GLIS3: variants seen among roughly 807,000 people sequenced by gnomAD.
GLIS3 encodes GLIS family zinc finger 3.
A neutral mutation model predicts 78.6 loss-of-function variants in GLIS3; 53 were observed. The observed-to-expected ratio is 0.67, with a 90% CI of 0.54 to 0.85. GLIS3 has a LOEUF of 0.85. GLIS3 is among the 40% of genes least tolerant of loss of function. The pLI, the probability that GLIS3 is intolerant of heterozygous loss-of-function variation, is 0.00. For missense variants in GLIS3, 1,703 were observed against 1,231.1 expected, an observed-to-expected ratio of 1.38 and a Z score of -5.74; for synonymous variants, 684 against 509.9, an observed-to-expected ratio of 1.34 and a Z score of -4.60.
At chr9:4,431,752 G>A in the GLIS3 span, among the ~76,000 whole-genome samples, 63 of 150,902 alleles carry the variant, frequency 4.2e-4, no homozygotes, top group African/African-American at 1.3e-3. Context: ...GCTGAGGCAG[G>A]AGAATCCATT....
chr9:3,829,390 T>C lies in GLIS3; in HGVS notation c.2576A>G (p.Asp859Gly), dbSNP rs1817912660. ...SSCSVVPSFE[D>G]CLVPTSMGQA... ...GCCCATGGATGTAGGGACTAGGCAG[T>C]CCTCAAACGAAGGCACCACACTGCA... is the stretch of plus-strand genomic sequence containing the variant. The change falls in exon 10 of 11, where the codon GAC becomes GGC. Residue 859 changes from aspartate to glycine, a missense_variant. Transcript: ENST00000381971. 3 of 1,613,998 alleles carry C rather than the reference T, an allele frequency of 1.9e-6. No homozygotes were observed. The highest frequency in any genetic ancestry group is 2.5e-6 in the Non-Finnish European group (3 of 1,179,970).
At chr9:4,379,315 A>G in the GLIS3 span, among the ~76,000 whole-genome samples, 1 of 152,316 alleles carries the variant, frequency 6.6e-6, no homozygotes, top group African/African-American at 2.4e-5. Flanking sequence ...ACTGAGGTTA[A>G]TAGGGGTTTG....
chr9:4,307,539 G>A (rs35859857), intron 4 of GLIS3, among the ~76,000 whole-genome samples: 20,422 of 151,832 alleles, frequency 0.13, 1,600 homozygotes, highest in Non-Finnish European at 0.17. Context: ...GCCCCGCCCT[G>A]CATCCCAACA....
intron 2 of GLIS3, among the ~76,000 whole-genome samples, chr9:4,253,874 C>T (rs1278772112): frequency 6.6e-6 from 1 of 152,166 alleles, no homozygotes; most frequent in Non-Finnish European, 1.5e-5. Flanking sequence ...TTCCCTGACC[C>T]CTTGCACTTC....
At chr9:3,979,904 G>T (rs376950834) in intron 4 of GLIS3, among the ~76,000 whole-genome samples, 1 of 152,204 alleles carries the variant, frequency 6.6e-6, no homozygotes, top group Non-Finnish European at 1.5e-5. Context: ...ATATTCCAGC[G>T]GGGAGGAGCA....
chr9:4,179,025 G>A (rs1470614894), intron 2 of GLIS3, among the ~76,000 whole-genome samples: 3 of 152,106 alleles, frequency 2.0e-5, no homozygotes, highest in African/African-American at 7.2e-5. Context: ...ATATAACTTG[G>A]CAGACAGCCA....
upstream of GLIS3, among the ~76,000 whole-genome samples, chr9:4,351,172 G>C (rs779012173): frequency 2.0e-5 from 3 of 152,104 alleles, no homozygotes; most frequent in Non-Finnish European, 2.9e-5. Flanking sequence ...GAACACAGGA[G>C]GTGGAGGTTG....
At chr9:3,858,991 C>A (rs1007049498) in intron 8 of GLIS3, among the ~76,000 whole-genome samples, 1 of 152,078 alleles carries the variant, frequency 6.6e-6, no homozygotes, top group African/African-American at 2.4e-5. Flanking sequence ...TACTTGTTAA[C>A]CAGCTCATAG....
chr9:4,048,638 C>G (rs1246194444), intron 4 of GLIS3, among the ~76,000 whole-genome samples: 1 of 152,144 alleles, frequency 6.6e-6, no homozygotes, highest in Admixed American at 6.5e-5. Context: ...ACAAAAGCAT[C>G]TTTTAAGACC....
chr9:4,363,452 C>T, the GLIS3 span, among the ~76,000 whole-genome samples: 1 of 151,964 alleles, frequency 6.6e-6, no homozygotes, highest in African/African-American at 2.4e-5. Context: ...TGTTTTAACA[C>T]CAAAAATCTG....
the GLIS3 span, among the ~76,000 whole-genome samples, chr9:4,435,756 T>C: frequency 9.2e-5 from 14 of 152,250 alleles, no homozygotes; most frequent in East Asian, 5.8e-4. Context: ...GAGACCATCC[T>C]GGCTAATACA....
chr9:4,118,452 G>C lies in GLIS3; in HGVS notation c.1026C>G (p.Ser342=). The C allele has an allele frequency of 1.2e-6, 2 of 1,613,414 alleles. No individual in the cohort carries two copies. Among genetic ancestry groups the C allele is most frequent in the Non-Finnish European group, 1.7e-6 (2 of 1,180,022 alleles). Residue 342 remains serine (S), a synonymous_variant, in exon 4 of 11, where the codon TCC becomes TCG. Coordinates refer to ENST00000381971, the MANE Select transcript of GLIS3 (RefSeq NM_001042413.2). The surrounding 1 kb of genome is among the most constrained non-coding windows in gnomAD (Gnocchi z 4.7). ...NGSRASPANL[S]PQPEVYGHFL... ...AATGCCCGTAGACCTCCGGCTGCGG[G>C]GACAGGTTGGCCGGCGAAGCCCTCG...
Position 4,186,235 on chromosome 9 carries a change from G to C in GLIS3, c.389-60294C>G, listed in dbSNP as rs956691996. Among the ~76,000 whole-genome samples the C allele has an allele frequency of 2.7e-5, 4 of 147,470 alleles. No individual in the cohort carries two copies. In the Admixed American group the frequency reaches 2.8e-4, roughly 10 times the overall value. ...CATTGTTCAATTCTCACCTATGAGT[G>C]AGAACATGCAGTGTTTGGCCTTTTG... On this transcript the variant is annotated intron_variant, in intron 2 of 10. Coordinates refer to ENST00000381971, the MANE Select transcript of GLIS3 (RefSeq NM_001042413.2).
intron 4 of GLIS3, among the ~76,000 whole-genome samples, chr9:3,989,169 G>A (rs529136992): frequency 1.1e-4 from 17 of 152,222 alleles, no homozygotes; most frequent in African/African-American, 4.1e-4. Flanking sequence ...CTAATCATCA[G>A]GGGAAGGCAA....
At chr9:4,066,144 A>G (rs978890918) in intron 4 of GLIS3, among the ~76,000 whole-genome samples, 4 of 152,190 alleles carry the variant, frequency 2.6e-5, no homozygotes, top group African/African-American at 9.7e-5. Flanking sequence ...TTTCAATTTC[A>G]AGACATTTCT....
intron 4 of GLIS3, among the ~76,000 whole-genome samples, chr9:3,993,027 T>G (rs991286644): frequency 2.6e-5 from 4 of 152,198 alleles, no homozygotes; most frequent in Non-Finnish European, 1.5e-5. Flanking sequence ...ATCATATCTT[T>G]CCTGGCTTTA....
intron 4 of GLIS3, among the ~76,000 whole-genome samples, chr9:4,008,722 A>C (rs769669529): frequency 4.6e-5 from 7 of 152,144 alleles, no homozygotes; most frequent in Non-Finnish European, 1.0e-4. Context: ...ACAGGCTGGG[A>C]ATCTGGAGGC....
intron 4 of GLIS3, among the ~76,000 whole-genome samples, chr9:3,964,374 T>C (rs542634890): frequency 6.6e-6 from 1 of 152,340 alleles, no homozygotes; most frequent in South Asian, 2.1e-4. Context: ...CTTGCATTAA[T>C]TACATTCTCT....
At chr9:4,026,315 T>G (rs969577765) in intron 4 of GLIS3, among the ~76,000 whole-genome samples, 10 of 152,238 alleles carry the variant, frequency 6.6e-5, no homozygotes, top group South Asian at 6.2e-4. Flanking sequence ...GTCCATTAAT[T>G]TTTTCCTAGC....
Sources: gnomAD v4.1 joint callset for allele counts (sites outside exome capture counted in the v4.1 genomes callset) on GRCh38, gnomAD v4.1.1 for gene constraint, Gnocchi (gnomAD v3.1) non-coding constraint, MANE v1.5 for transcripts, NCBI Gene and HGNC (gene_info 2026-07-23, HGNC 2026-07-21) for gene names.